Variants in B3GALT1 observed in about 807,000 individuals in gnomAD.
B3GALT1 encodes the protein UDP-Gal:betaGlcNAc beta 1,3-galactosyltransferase, polypeptide 1.
B3GALT1 carries 10 observed loss-of-function variants against 23.2 expected under a neutral mutation model. The observed-to-expected ratio is 0.43, with a 90% CI of 0.27 to 0.73. The LOEUF is 0.73. B3GALT1 is among the 30% of genes least tolerant of loss of function. The pLI, the probability that B3GALT1 is intolerant of heterozygous loss-of-function variation, is 0.21. For synonymous variants in B3GALT1, 156 were observed against 141.5 expected (o/e 1.10, Z -0.73); for missense variants, 299 against 405.4 (o/e 0.74, Z 2.25).
At chr2:167,510,407 G>GT (rs35191590) in intron 2 of B3GALT1, among the ~76,000 whole-genome samples, 3,718 of 111,038 alleles carry the variant, frequency 0.033, 62 homozygotes, top group African/African-American at 0.064. Flanking sequence ...TGCAAGTTTT[G>GT]TTTTTTTTTT....
At chr2:167,365,289 T>C (rs895346124) in intron 1 of B3GALT1, among the ~76,000 whole-genome samples, 1 of 152,182 alleles carries the variant, frequency 6.6e-6, no homozygotes. Flanking sequence ...AATTATGTTC[T>C]TCCTGCCCTT....
At chr2:167,453,803 A>C (rs1699125106) in intron 1 of B3GALT1, among the ~76,000 whole-genome samples, 1 of 152,254 alleles carries the variant, frequency 6.6e-6, no homozygotes, top group Admixed American at 6.5e-5. Flanking sequence ...AAAAGGAGGA[A>C]GGTAGTGATC....
chr2:167,484,464 G>A (rs891556909), intron 1 of B3GALT1, among the ~76,000 whole-genome samples: 27 of 152,142 alleles, frequency 1.8e-4, no homozygotes, highest in East Asian at 7.7e-4. Flanking sequence ...ACAGGCAGGC[G>A]TCAATCAATA....
chr2:167,803,761 C>CTTT (rs922409966), intron 3 of B3GALT1, among the ~76,000 whole-genome samples: 1 of 151,898 alleles, frequency 6.6e-6, no homozygotes, highest in African/African-American at 2.4e-5. Context: ...CTAAGGAATA[C>CTTT]TTTTTTTTAT....
rs1419138278 is a variant in B3GALT1, at chr2:167,440,361, AAAAG to A, written c.-510-49812_-510-49809del. On this transcript the variant is annotated intron_variant, in intron 1 of 4. Transcript: ENST00000392690. ...CTCTGTCTGAAAAAAAAAAAAAAAA[AAAAG>A]AAATAATTTAAAATGTTCATAAACC... Among the ~76,000 whole-genome samples the A allele has an allele frequency of 9.2e-3, 1,394 of 151,444 alleles. 26 individuals carry two copies. Among genetic ancestry groups the A allele is most frequent in the African/African-American group, 0.032 (1,325 of 41,078 alleles).
intron 2 of B3GALT1, among the ~76,000 whole-genome samples, chr2:167,638,816 G>A (rs1407635043): frequency 6.6e-6 from 1 of 151,962 alleles, no homozygotes; most frequent in Non-Finnish European, 1.5e-5. Flanking sequence ...CAAACTTTTA[G>A]TGTTAATAGA....
chr2:167,610,402 C>T lies in B3GALT1; in HGVS notation c.-409-36507C>T, dbSNP rs115270790. On this transcript the variant is annotated intron_variant, in intron 2 of 4. Transcript: ENST00000392690. ...TTGTAGAAAACCTATCTCCATACTC[C>T]TTTCTGGATTTTTGTTTATAGGGGA... 2.8e-3 allele frequency among the ~76,000 whole-genome samples: 424 copies of T among 152,114 alleles called. 2 individuals carry two copies. Among genetic ancestry groups the T allele is most frequent in the African/African-American group, 9.7e-3 (402 of 41,494 alleles).
chr2:167,786,576 G>A (rs1688348410), intron 3 of B3GALT1, among the ~76,000 whole-genome samples: 1 of 152,160 alleles, frequency 6.6e-6, no homozygotes, highest in Admixed American at 6.5e-5. Flanking sequence ...GAGACAGGCT[G>A]TAATCAATAT....
intron 2 of B3GALT1, among the ~76,000 whole-genome samples, chr2:167,589,169 C>T (rs1030232744): frequency 6.6e-6 from 1 of 152,152 alleles, no homozygotes; most frequent in African/African-American, 2.4e-5. Context: ...TGGTCTCAAA[C>T]TCCTGGGCTC....
At chr2:167,692,528 C>A (rs1045747685) in intron 3 of B3GALT1, among the ~76,000 whole-genome samples, 9 of 152,028 alleles carry the variant, frequency 5.9e-5, no homozygotes, top group African/African-American at 2.2e-4. Flanking sequence ...AATTTTAGAG[C>A]TCAGCACAAT....
intron 3 of B3GALT1, among the ~76,000 whole-genome samples, chr2:167,703,073 G>T (rs1443178922): frequency 6.6e-6 from 1 of 152,182 alleles, no homozygotes; most frequent in Non-Finnish European, 1.5e-5. Context: ...TAGGGCATCA[G>T]GGGGACAATC....
At chr2:167,620,248 G>A (rs916459744) in intron 2 of B3GALT1, among the ~76,000 whole-genome samples, 3 of 152,064 alleles carry the variant, frequency 2.0e-5, no homozygotes, top group Admixed American at 6.6e-5. Flanking sequence ...GATGTCCATA[G>A]AATTGCTAAA....
chr2:167,628,619 G>A (rs1426221241), intron 2 of B3GALT1, among the ~76,000 whole-genome samples: 1 of 151,680 alleles, frequency 6.6e-6, no homozygotes, highest in East Asian at 1.9e-4. Context: ...TAAATCAGTG[G>A]TCTGAGTATA....
At chr2:167,749,917 T>C (rs1687708946) in intron 3 of B3GALT1, among the ~76,000 whole-genome samples, 1 of 152,262 alleles carries the variant, frequency 6.6e-6, no homozygotes, top group Non-Finnish European at 1.5e-5. Context: ...TTGCATTTGA[T>C]AAAAGCAATG....
At chr2:167,451,523 T>G (rs1442790157) in intron 1 of B3GALT1, among the ~76,000 whole-genome samples, 2 of 152,186 alleles carry the variant, frequency 1.3e-5, no homozygotes, top group African/African-American at 2.4e-5. Flanking sequence ...GGGGGTTGTC[T>G]GCACAGAGTC....
At chr2:167,338,070 T>C (rs78759102) in intron 1 of B3GALT1, among the ~76,000 whole-genome samples, 83 of 152,282 alleles carry the variant, frequency 5.5e-4, no homozygotes, top group African/African-American at 1.9e-3. Flanking sequence ...GAAAAGGTGA[T>C]AAGATTGCAT....
chr2:167,728,659 A>G (rs1687359171), intron 3 of B3GALT1, among the ~76,000 whole-genome samples: 1 of 152,218 alleles, frequency 6.6e-6, no homozygotes, highest in Admixed American at 6.5e-5. Flanking sequence ...CATGAATGTT[A>G]AAAAGCAAAC....
intron 2 of B3GALT1, among the ~76,000 whole-genome samples, chr2:167,494,789 G>A (rs1431828296): frequency 6.6e-6 from 1 of 152,186 alleles, no homozygotes; most frequent in Non-Finnish European, 1.5e-5. Context: ...CTGTAAAGCA[G>A]TGATACCCAT....
chr2:167,521,994 A>G (rs1700195855), intron 2 of B3GALT1, among the ~76,000 whole-genome samples: 1 of 146,460 alleles, frequency 6.8e-6, no homozygotes, highest in South Asian at 2.1e-4. Flanking sequence ...GTATATATAT[A>G]TATATATATA....
Sources: allele counts gnomAD v4.1 joint callset (sites outside exome capture counted in the v4.1 genomes callset), GRCh38; gene constraint gnomAD v4.1.1; transcripts MANE v1.5; gene names NCBI Gene and HGNC (gene_info 2026-07-23, HGNC 2026-07-21).